EPCIP: variants seen among roughly 807,000 people sequenced by gnomAD.
EPCIP encodes exosomal polycystin 1 interacting protein, also known as exosomal polycystin-1-interacting protein.
At chr21:32,806,784 G>A in the EPCIP span, among the ~76,000 whole-genome samples, 3 of 152,130 alleles carry the variant, frequency 2.0e-5, no homozygotes, top group East Asian at 1.9e-4. Flanking sequence ...GCCTGGATGC[G>A]GGGCTTCCTT....
chr21:32,792,078 A>G, the EPCIP span, among the ~76,000 whole-genome samples: 1 of 151,768 alleles, frequency 6.6e-6, no homozygotes, highest in Non-Finnish European at 1.5e-5. Context: ...CTTATTTTGT[A>G]TTTTTAGTAG....
At chr21:32,805,195 G>C in the EPCIP span, among the ~76,000 whole-genome samples, 1 of 152,188 alleles carries the variant, frequency 6.6e-6, no homozygotes, top group Non-Finnish European at 1.5e-5. Context: ...CAGCCTCTAG[G>C]AGCTGAAAGA....
chr21:32,791,117 A>G, the EPCIP span: 3 of 152,248 alleles, frequency 2.0e-5, no homozygotes, highest in African/African-American at 7.2e-5. Context: ...GCCAAATGCC[A>G]TTAATCCCCA....
At chr21:32,799,982 A>C in the EPCIP span, among the ~76,000 whole-genome samples, 1 of 152,220 alleles carries the variant, frequency 6.6e-6, no homozygotes, top group Non-Finnish European at 1.5e-5. Flanking sequence ...ATTTCAAATT[A>C]AGCTCACTTC....
the EPCIP span, among the ~76,000 whole-genome samples, chr21:32,806,671 T>C: frequency 1.3e-5 from 2 of 152,172 alleles, no homozygotes; most frequent in Non-Finnish European, 2.9e-5. Flanking sequence ...TAGACTAAAG[T>C]GCTTAGGAGC....
chr21:32,802,325 T>G, the EPCIP span, among the ~76,000 whole-genome samples: 3 of 152,072 alleles, frequency 2.0e-5, no homozygotes, highest in Non-Finnish European at 4.4e-5. Flanking sequence ...AAAATGAAAG[T>G]TTGAATATTT....
the EPCIP span, among the ~76,000 whole-genome samples, chr21:32,811,032 T>C: frequency 2.0e-5 from 3 of 152,212 alleles, no homozygotes; most frequent in African/African-American, 7.2e-5. Flanking sequence ...AATAGTAAGA[T>C]CTAATGAGTG....
the EPCIP span, among the ~76,000 whole-genome samples, chr21:32,809,286 T>C: frequency 1.8e-5 from 2 of 111,570 alleles, no homozygotes; most frequent in East Asian, 6.8e-4. Context: ...CTTCCTTTCT[T>C]TCTTTCTTTC....
chr21:32,809,415 G>T, the EPCIP span, among the ~76,000 whole-genome samples: 1 of 145,626 alleles, frequency 6.9e-6, no homozygotes, highest in African/African-American at 2.6e-5. Context: ...ACAAGGTCTT[G>T]CTCTGTCACC....
the EPCIP span, among the ~76,000 whole-genome samples, chr21:32,806,941 G>A: frequency 2.3e-4 from 35 of 152,324 alleles, no homozygotes; most frequent in Non-Finnish European, 3.8e-4. Flanking sequence ...AAAGTGAGTC[G>A]TGTCTCACAT....
the EPCIP span, chr21:32,794,089 AGT>A: frequency 6.2e-7 from 1 of 1,614,056 alleles, no homozygotes. Flanking sequence ...CAGTGGGGAG[AGT>A]GTTGGTGCTG....
chr21:32,802,058 G>T, the EPCIP span, among the ~76,000 whole-genome samples: 1 of 152,162 alleles, frequency 6.6e-6, no homozygotes, highest in African/African-American at 2.4e-5. Flanking sequence ...ATGAGGCTGG[G>T]GATGTAGGCA....
the EPCIP span, among the ~76,000 whole-genome samples, chr21:32,801,060 G>A: frequency 0.72 from 108,894 of 151,976 alleles, 39,854 homozygotes; most frequent in East Asian, 0.91. Flanking sequence ...TTGAGTTCTG[G>A]CCAATGGAAT....
the EPCIP span, chr21:32,794,551 C>T: frequency 2.1e-5 from 18 of 876,182 alleles, no homozygotes; most frequent in East Asian, 4.5e-4. Context: ...GGAAAAGGAA[C>T]CCCAGAAAAA....
chr21:32,809,283 T>TTC, the EPCIP span, among the ~76,000 whole-genome samples: 16 of 26,774 alleles, frequency 6.0e-4, no homozygotes, highest in Admixed American at 1.9e-3. Flanking sequence ...CTCCTTCCTT[T>TTC]CTTTCTTTCT....
the EPCIP span, chr21:32,793,988 C>G: frequency 6.2e-7 from 1 of 1,614,218 alleles, no homozygotes; most frequent in Non-Finnish European, 8.5e-7. Flanking sequence ...ACTGTCCCCA[C>G]CGCTATGGAT....
the EPCIP span, chr21:32,793,700 A>C: frequency 8.0e-6 from 12 of 1,508,924 alleles, no homozygotes; most frequent in African/African-American, 1.2e-4. Flanking sequence ...TTATTTCCAG[A>C]TTCCTTCTGC....
At chr21:32,797,154 G>C in the EPCIP span, 1 of 339,928 alleles carries the variant, frequency 2.9e-6, no homozygotes, top group African/African-American at 2.2e-5. Flanking sequence ...GTGGGGGAAG[G>C]CTCACTAAGA....
At chr21:32,810,440 TTTA>T in the EPCIP span, 3 of 314,212 alleles carry the variant, frequency 9.5e-6, no homozygotes, top group Non-Finnish European at 1.3e-5. Context: ...TTTTTTTTTT[TTTA>T]GTGCAGACGG....
Sources: gnomAD v4.1 joint callset for allele counts (sites outside exome capture counted in the v4.1 genomes callset) on GRCh38, gnomAD v4.1.1 for gene constraint, MANE v1.5 for transcripts, NCBI Gene and HGNC (gene_info 2026-07-23, HGNC 2026-07-21) for gene names.